The following GALNT13 variants were observed in gnomAD, a reference collection of about 807,000 sequenced individuals.
The protein encoded by GALNT13 is polypeptide N-acetylgalactosaminyltransferase 13.
Under a neutral mutation model 64.2 loss-of-function variants are expected in GALNT13, and 28 were observed. That is an observed-to-expected ratio of 0.44 (90% confidence interval 0.32 to 0.60). The LOEUF (loss-of-function observed/expected upper bound fraction) is 0.60. Ranked by LOEUF, GALNT13 falls within the 20% of genes least tolerant of loss-of-function variation. The pLI is 0.05. For synonymous variants in GALNT13, 214 were observed against 224.6 expected, an observed-to-expected ratio of 0.95 and a Z score of 0.42; for missense variants, 577 against 669.8, an observed-to-expected ratio of 0.86 and a Z score of 1.53.
In GALNT13 at chr2:154,450,639, A is replaced by G; in HGVS notation, c.*88A>G. 1.6e-6 allele frequency: 2 copies of G among 1,215,720 alleles called. No individual in the cohort carries two copies. The highest frequency in any genetic ancestry group is 2.2e-6 in the Non-Finnish European group (2 of 895,192). The allele number at this position is 1,215,720 out of a possible 1,614,324, so 75.3% of individuals were successfully genotyped here. On this transcript the variant is annotated 3_prime_UTR_variant, in exon 13 of 13. Transcript: ENST00000392825. ...GGAAAATATTAACTTTGCTGAATTGAAAGTTTTAAAAATCCTTTTAGTATT... is the reference window on the plus strand; with the variant it reads ...GGAAAATATTAACTTTGCTGAATTGGAAGTTTTAAAAATCCTTTTAGTATT...
intron 8 of GALNT13, among the ~76,000 whole-genome samples, chr2:154,271,034 A>G (rs941821498): frequency 3.3e-5 from 5 of 151,916 alleles, no homozygotes; most frequent in African/African-American, 1.2e-4. Context: ...TAGAACTCAC[A>G]TACACAAGAT....
At chr2:153,517,493 G>A in the GALNT13 span, among the ~76,000 whole-genome samples, 1 of 152,128 alleles carries the variant, frequency 6.6e-6, no homozygotes, top group Non-Finnish European at 1.5e-5. Context: ...GAAGAGAGAG[G>A]TTTGTCAGAG....
chr2:153,263,236 C>A, the GALNT13 span, among the ~76,000 whole-genome samples: 5 of 151,988 alleles, frequency 3.3e-5, no homozygotes, highest in African/African-American at 1.2e-4. Context: ...ATACAGCTAA[C>A]AAGGGAAGTG....
chr2:154,250,496 A>T (rs1428955922), intron 7 of GALNT13, among the ~76,000 whole-genome samples: 1 of 151,938 alleles, frequency 6.6e-6, no homozygotes, highest in Non-Finnish European at 1.5e-5. Flanking sequence ...TTTATCAATT[A>T]TTTCTTCACC....
At chr2:153,160,738 C>G in the GALNT13 span, among the ~76,000 whole-genome samples, 1 of 152,188 alleles carries the variant, frequency 6.6e-6, no homozygotes, top group Admixed American at 6.5e-5. Flanking sequence ...AATCTCCCCC[C>G]ACTCAATCAA....
chr2:154,094,377 G>A (rs12617930), intron 3 of GALNT13, among the ~76,000 whole-genome samples: 10 of 151,760 alleles, frequency 6.6e-5, no homozygotes, highest in Admixed American at 3.3e-4. Context: ...ATATATTCTC[G>A]TCTATCCTTT....
the GALNT13 span, among the ~76,000 whole-genome samples, chr2:153,579,631 C>A: frequency 6.6e-6 from 1 of 152,028 alleles, no homozygotes. Context: ...AGCAGCGGTC[C>A]CCAACCCCTG....
chr2:154,450,782 AG>A lies in GALNT13; in HGVS notation c.*232del. 2.6e-6 allele frequency: 1 copy of A among 389,342 alleles called. No homozygotes were observed. The highest frequency in any genetic ancestry group is 4.6e-6 in the Non-Finnish European group (1 of 218,792). 24.1% of individuals were successfully genotyped at this position (389,342 alleles called of 1,614,324 possible). ...TAATAGCAAACTACTATTAAACAAC[AG>A]AACAACTTGTAAAACAAATTGTGTT... On this transcript the variant is annotated 3_prime_UTR_variant, in exon 13 of 13. Coordinates refer to ENST00000392825, the MANE Select transcript of GALNT13 (RefSeq NM_052917.4).
At chr2:154,343,818 A>AT (rs1695908714) in intron 9 of GALNT13, among the ~76,000 whole-genome samples, 1 of 152,090 alleles carries the variant, frequency 6.6e-6, no homozygotes, top group Admixed American at 6.6e-5. Context: ...GATTAAGAAA[A>AT]TATTTAAAAA....
the GALNT13 span, among the ~76,000 whole-genome samples, chr2:153,462,894 C>T: frequency 6.6e-6 from 1 of 152,102 alleles, no homozygotes; most frequent in Non-Finnish European, 1.5e-5. Flanking sequence ...GGCATATAAA[C>T]AGTAGCTGTA....
At chr2:153,424,383 G>A in the GALNT13 span, among the ~76,000 whole-genome samples, 1 of 151,738 alleles carries the variant, frequency 6.6e-6, no homozygotes, top group South Asian at 2.1e-4. Context: ...GATATTTGCA[G>A]TTCAGAAAAC....
chr2:153,356,133 T>C, the GALNT13 span, among the ~76,000 whole-genome samples: 1 of 152,226 alleles, frequency 6.6e-6, no homozygotes, highest in Non-Finnish European at 1.5e-5. Flanking sequence ...AATATATGAT[T>C]CACTTTCCAT....
chr2:153,927,406 T>A (rs72865015), intron 2 of GALNT13, among the ~76,000 whole-genome samples: 2,216 of 152,166 alleles, frequency 0.015, 31 homozygotes, highest in Middle Eastern at 0.041. Flanking sequence ...AATGGTAATC[T>A]CTGCTTACCT....
intron 1 of GALNT13, among the ~76,000 whole-genome samples, chr2:153,873,130 C>G (rs942731236): frequency 2.0e-5 from 3 of 152,204 alleles, no homozygotes; most frequent in Non-Finnish European, 2.9e-5. Context: ...CCCGCGATCC[C>G]GAAGCGCCTT....
At chr2:154,345,908 A>G (rs1005994975) in intron 9 of GALNT13, among the ~76,000 whole-genome samples, 20 of 152,096 alleles carry the variant, frequency 1.3e-4, no homozygotes, top group Admixed American at 1.3e-3. Context: ...ATATTTGTAG[A>G]TATTATCTTT....
chr2:153,703,245 GTTGT>G, the GALNT13 span, among the ~76,000 whole-genome samples: 11 of 151,980 alleles, frequency 7.2e-5, no homozygotes, highest in African/African-American at 2.4e-4. Flanking sequence ...TACTGTCTTT[GTTGT>G]TTGTCTCACC....
At position 153,907,335 on chromosome 2, in the gene GALNT13, A is replaced by G. The variant is rs551991734; in HGVS notation, c.-105+6328A>G. ...ATTATATATATACACACACACATAT[A>G]ATTATATACATATGTATCATATACA... On this transcript the variant is annotated intron_variant, in intron 2 of 12. Transcript: ENST00000392825. Among the ~76,000 whole-genome samples, 3 of 151,852 alleles carry G rather than the reference A, an allele frequency of 2.0e-5. No homozygotes were observed. In the East Asian group the frequency reaches 5.8e-4, roughly 29 times the overall value.
chr2:153,305,225 A>G, the GALNT13 span, among the ~76,000 whole-genome samples: 2 of 152,062 alleles, frequency 1.3e-5, no homozygotes, highest in Non-Finnish European at 2.9e-5. Flanking sequence ...CTGTGATGGA[A>G]CATATAGGTT....
At chr2:153,367,448 A>T in the GALNT13 span, among the ~76,000 whole-genome samples, 926 of 152,216 alleles carry the variant, frequency 6.1e-3, 11 homozygotes, top group African/African-American at 0.021. Flanking sequence ...ATTACCTTAT[A>T]CAAGAATGGG....
Sources: gnomAD v4.1 joint callset for allele counts (sites outside exome capture counted in the v4.1 genomes callset) on GRCh38, gnomAD v4.1.1 for gene constraint, MANE v1.5 for transcripts, NCBI Gene and HGNC (gene_info 2026-07-23, HGNC 2026-07-21) for gene names.